Variants in FRY observed in about 807,000 individuals in gnomAD.
The protein encoded by FRY is protein furry homolog.
A neutral mutation model predicts 348.4 loss-of-function variants in FRY; 128 were observed. That is an observed-to-expected ratio of 0.37 (90% CI 0.32 to 0.43). FRY has a LOEUF of 0.43. FRY is among the 20% of genes least tolerant of loss of function. The pLI is 1.00. For synonymous variants in FRY, 1,370 were observed against 1,374.7 expected, an observed-to-expected ratio of 1.00 and a Z score of 0.08; for missense variants, 2,736 against 3,695.2, an observed-to-expected ratio of 0.74 and a Z score of 6.73.
chr13:32,263,027 A>G (rs942352343), intron 53 of FRY, among the ~76,000 whole-genome samples: 91 of 152,348 alleles, frequency 6.0e-4, no homozygotes, highest in African/African-American at 2.0e-3. Context: ...TAACTAATGG[A>G]TGTAATTTTC....
At chr13:32,286,446 A>G (rs563098342) in intron 58 of FRY, among the ~76,000 whole-genome samples, 1 of 152,166 alleles carries the variant, frequency 6.6e-6, no homozygotes, top group Non-Finnish European at 1.5e-5. Flanking sequence ...ATATGGTGAC[A>G]TCAAAAAATG....
At chr13:32,262,246 AG>A in intron 52 of FRY, 67 bp from the exon 53 acceptor site, 3 of 1,287,098 alleles carry the variant, frequency 2.3e-6, no homozygotes, top group Non-Finnish European at 3.4e-6. Context: ...CAACAACTAG[AG>A]AATAAATGGA....
intron 14 of FRY, among the ~76,000 whole-genome samples, chr13:32,151,322 G>T (rs1365617191): frequency 1.3e-5 from 2 of 152,182 alleles, no homozygotes; most frequent in Admixed American, 6.5e-5. Context: ...ATACCAATAG[G>T]AGTAAATATT....
chr13:32,273,634 CAG>C (rs1431423274), intron 55 of FRY, among the ~76,000 whole-genome samples: 1 of 152,186 alleles, frequency 6.6e-6, no homozygotes, highest in African/African-American at 2.4e-5. Flanking sequence ...GACGTGCCCT[CAG>C]AGCAAGAGAG....
At position 32,273,222 on chromosome 13, in the gene FRY, C is replaced by CTT. The variant is rs552249398; in HGVS notation, c.8137-1602_8137-1601dup. 8.3e-4 allele frequency among the ~76,000 whole-genome samples: 103 copies of CTT among 124,158 alleles called. 1 individual carries two copies. The highest frequency in any genetic ancestry group is 2.4e-3 in the African/African-American group (76 of 32,096). 81.5% of individuals were successfully genotyped at this position (124,158 alleles called of 152,430 possible). On this transcript the variant is annotated intron_variant, in intron 55 of 60. Transcript: ENST00000542859. ...ACCTTAAGCGAGTCATTTAACTGTT[C>CTT]TTTTTTTTTTTTTTTTTTTGAGACG...
intron 55 of FRY, among the ~76,000 whole-genome samples, 200 bp downstream of exon 55, chr13:32,267,559 A>G (rs1321100019): frequency 6.6e-6 from 1 of 152,090 alleles, no homozygotes; most frequent in Non-Finnish European, 1.5e-5. Flanking sequence ...GGTATTGATG[A>G]TTTAGGCTGC....
intron 55 of FRY, among the ~76,000 whole-genome samples, chr13:32,274,478 C>A (rs369485176): frequency 7.3e-5 from 11 of 150,618 alleles, no homozygotes; most frequent in Admixed American, 5.3e-4. Context: ...GAGGCCGAGG[C>A]GGGCGGATCA....
intron 54 of FRY, among the ~76,000 whole-genome samples, chr13:32,266,082 A>G (rs1887914372): frequency 6.6e-6 from 1 of 152,184 alleles, no homozygotes; most frequent in South Asian, 2.1e-4. Context: ...AAATGTGAAG[A>G]GAAATAGATA....
intron 36 of FRY, among the ~76,000 whole-genome samples, chr13:32,221,879 A>G (rs1885333850): frequency 6.6e-6 from 1 of 152,182 alleles, no homozygotes; most frequent in African/African-American, 2.4e-5. Flanking sequence ...ATGCTTTACC[A>G]TGTGCCAGGC....
rs578146801 is a variant in FRY at position 32,171,822 on chromosome 13, T to C, written c.2151+552T>C. On this transcript the variant is annotated intron_variant, in intron 18 of 60. Transcript: ENST00000542859. Reference sequence around the variant, plus strand: ...AGGCTATTTAGGGAATAGAAATTGGTTTTTTCAGAGAAGTATGATTGCAAA... The same window carrying C: ...AGGCTATTTAGGGAATAGAAATTGGCTTTTTCAGAGAAGTATGATTGCAAA... Among the ~76,000 whole-genome samples the C allele has an allele frequency of 9.3e-5, 4 of 43,176 alleles. No homozygotes were observed. In the South Asian group the frequency reaches 3.7e-3, roughly 40 times the overall value. The allele number at this position is 43,176 out of a possible 152,430, so 28.3% of individuals were successfully genotyped here. A position where few individuals can be genotyped will look rare whatever the true frequency, so the allele number is the denominator to read the frequency against.
chr13:32,227,281 T>A (rs1301463593), intron 39 of FRY, among the ~76,000 whole-genome samples: 1 of 152,218 alleles, frequency 6.6e-6, no homozygotes, highest in East Asian at 1.9e-4. Context: ...TCAACTATAG[T>A]TGCTTTAAAT....
Position 32,184,694 on chromosome 13 carries a change from A to T in FRY, c.3146+3A>T. On this transcript the variant is annotated splice_donor_region_variant and intron_variant, in intron 25 of 60. Transcript: ENST00000542859. ...GATGCTGGTGTAATAAGTGACAGGT[A>T]GGATCAGAATTCTACCGAGTTGCTC... 1 of 1,543,658 alleles carries T rather than the reference A, an allele frequency of 6.5e-7. No individual in the cohort carries two copies. Among genetic ancestry groups the T allele is most frequent in the Non-Finnish European group, 9.0e-7 (1 of 1,116,022 alleles).
chr13:32,050,983 C>T (rs911920327), intron 1 of FRY, among the ~76,000 whole-genome samples: 5 of 152,182 alleles, frequency 3.3e-5, no homozygotes, highest in African/African-American at 1.2e-4. Context: ...TACAACATAA[C>T]ATGTCAACAG....
chr13:32,097,831 AATAG>A (rs1876848601), intron 2 of FRY, among the ~76,000 whole-genome samples: 1 of 152,160 alleles, frequency 6.6e-6, no homozygotes, highest in African/African-American at 2.4e-5. Context: ...ATCTTCATAA[AATAG>A]ATAATGATAA....
intron 60 of FRY, 87 bp from the exon 61 acceptor site, chr13:32,295,115 T>G (rs1475904858): frequency 3.3e-6 from 4 of 1,200,470 alleles, no homozygotes; most frequent in Non-Finnish European, 3.7e-6. Context: ...TTTTAAAAAG[T>G]AATACTCTTA....
At chr13:32,129,586 T>G (rs532091526) in intron 7 of FRY, among the ~76,000 whole-genome samples, 3 of 152,174 alleles carry the variant, frequency 2.0e-5, no homozygotes. Flanking sequence ...GGGTATTCTG[T>G]AGAAGTCCAC....
chr13:32,139,457 G>A (rs1879922593), intron 11 of FRY, among the ~76,000 whole-genome samples: 2 of 152,174 alleles, frequency 1.3e-5, no homozygotes, highest in African/African-American at 4.8e-5. Flanking sequence ...GTAGAGGTGA[G>A]CCATCAAGGG....
intron 1 of FRY, among the ~76,000 whole-genome samples, chr13:32,064,326 C>T (rs1333258152): frequency 2.6e-5 from 4 of 152,040 alleles, no homozygotes; most frequent in South Asian, 4.1e-4. Flanking sequence ...CTGACTGTCT[C>T]TATCAACAGT....
chr13:32,239,606 G>A lies in FRY; in HGVS notation c.6517-105G>A, dbSNP rs545278997. 2.3e-5 allele frequency: 19 copies of A among 818,126 alleles called. No individual in the cohort carries two copies. The East Asian group carries it at 3.4e-4, about 15-fold the overall frequency. The allele number at this position is 818,126 out of a possible 1,614,324, so 50.7% of individuals were successfully genotyped here. A position where few individuals can be genotyped will look rare whatever the true frequency, so the allele number is the denominator to read the frequency against. Reference sequence around the variant, plus strand: ...GTATTTCCTGTAATTACCAAAAAGTGTATCAATCTACTTTCCAGATGGCCA... The same window carrying A: ...GTATTTCCTGTAATTACCAAAAAGTATATCAATCTACTTTCCAGATGGCCA... On this transcript the variant is annotated intron_variant, in intron 45 of 60. Transcript: ENST00000542859. This position sits in a 1 kb window ranked among gnomAD's most constrained non-coding sequence, Gnocchi z 4.3.
Sources: gnomAD v4.1 joint callset for allele counts (sites outside exome capture counted in the v4.1 genomes callset) on GRCh38, gnomAD v4.1.1 for gene constraint, Gnocchi (gnomAD v3.1) non-coding constraint, MANE v1.5 for transcripts, NCBI Gene and HGNC (gene_info 2026-07-23, HGNC 2026-07-21) for gene names.